TAAR5: variants seen among roughly 807,000 people sequenced by gnomAD.
TAAR5 encodes trace amine-associated receptor 5.
In TAAR5, 27 loss-of-function variants were observed where a neutral mutation model predicts 21.1. The ratio of observed to expected loss-of-function variants is 1.28; its 90% CI spans 0.94 to 1.76. TAAR5 has a LOEUF of 1.76. Among genes scored for constraint, TAAR5 ranks in the 40% most tolerant of loss-of-function variants. The probability of loss-of-function intolerance (pLI) is 0.00; values close to 1 mark genes in which losing one functional copy is unlikely to be tolerated. For synonymous variants in TAAR5, 203 were observed against 167.5 expected, an observed-to-expected ratio of 1.21 and a Z score of -1.64; for missense variants, 495 against 405.6, an observed-to-expected ratio of 1.22 and a Z score of -1.89.
At chr6:132,594,193 C>G (rs977501469), upstream of TAAR5, among the ~76,000 whole-genome samples, 7 of 152,122 alleles carry the variant, frequency 4.6e-5, no homozygotes, top group African/African-American at 1.7e-4. Flanking sequence ...TTGGAGTTGT[C>G]TTTCCCCAAA....
At chr6:132,603,253 T>C in the TAAR5 span, among the ~76,000 whole-genome samples, 1 of 144,348 alleles carries the variant, frequency 6.9e-6, no homozygotes, top group Admixed American at 7.3e-5. Context: ...TAGTGAGCCG[T>C]GATTGTGCCA....
In TAAR5 at chr6:132,589,605, C is replaced by T; in HGVS notation, c.82G>A (p.Val28Ile). The T allele has an allele frequency of 6.2e-7, 1 of 1,613,966 alleles. No individual in the cohort carries two copies. The highest frequency in any genetic ancestry group is 8.5e-7 in the Non-Finnish European group (1 of 1,179,956). The change falls in exon 1 of 1, where the codon GTA becomes ATA. Residue 28 changes from valine (V) to isoleucine (I), a missense_variant. Val to Ile is a conservative substitution (Grantham distance 29). Transcript: ENST00000258034. ...YQVNGSCPRT[V>I]HTLGIQLVIY... is the part of the protein sequence containing the mutation. ...ACCAACTGGATGCCCAGAGTATGTACTGTCCTGGGGCAAGACCCATTCACC... is the reference window on the plus strand; with the variant it reads ...ACCAACTGGATGCCCAGAGTATGTATTGTCCTGGGGCAAGACCCATTCACC...
chr6:132,610,564 T>C, the TAAR5 span, among the ~76,000 whole-genome samples: 1 of 152,264 alleles, frequency 6.6e-6, no homozygotes, highest in East Asian at 1.9e-4. Flanking sequence ...GATTCTGTCA[T>C]TCTTCCTGAC....
chr6:132,602,857 AT>A, the TAAR5 span, among the ~76,000 whole-genome samples: 1 of 150,720 alleles, frequency 6.6e-6, no homozygotes, highest in Admixed American at 6.6e-5. Context: ...TAAAAAAAAA[AT>A]GTTTTGTTTT....
Position 132,588,839 on chromosome 6 carries a change from G to T in TAAR5, c.848C>A (p.Pro283His). Residue 283 changes from proline (P) to histidine (H), a missense_variant, in exon 1 of 1, where the codon CCC (proline) becomes CAC (histidine). Physicochemically the swap from Pro to His is moderately conservative, Grantham distance 77 (BLOSUM62 -2). Coordinates refer to ENST00000258034, the MANE Select transcript of TAAR5 (RefSeq NM_003967.3). ...MVDSLLHFIT[P>H]PLVFDIFIWF... ...GATAAAGATGTCAAAGACCAGTGGG[G>T]GTGTGATAAAGTGAAGGAGGCTGTC... 3 of 1,614,098 alleles carry T rather than the reference G, an allele frequency of 1.9e-6. No homozygotes were observed. Among genetic ancestry groups the T allele is most frequent in the Non-Finnish European group, 2.5e-6 (3 of 1,179,986 alleles).
chr6:132,615,426 T>C, the TAAR5 span, among the ~76,000 whole-genome samples: 1 of 151,024 alleles, frequency 6.6e-6, no homozygotes, highest in Non-Finnish European at 1.5e-5. Context: ...TGTACAAATT[T>C]GAATTTTGAA....
At chr6:132,605,459 C>T in the TAAR5 span, among the ~76,000 whole-genome samples, 6,414 of 152,280 alleles carry the variant, frequency 0.042, 195 homozygotes, top group Admixed American at 0.084. Context: ...GATTACTGCA[C>T]GCCTATCTAG....
At chr6:132,606,540 A>G in the TAAR5 span, among the ~76,000 whole-genome samples, 1 of 152,184 alleles carries the variant, frequency 6.6e-6, no homozygotes, top group African/African-American at 2.4e-5. Flanking sequence ...AAATTGTTCA[A>G]ATGGAGATCA....
the TAAR5 span, among the ~76,000 whole-genome samples, chr6:132,597,670 C>T: frequency 6.6e-6 from 1 of 151,990 alleles, no homozygotes; most frequent in Non-Finnish European, 1.5e-5. Flanking sequence ...ATAACATTTC[C>T]CCCAAGCATC....
At chr6:132,605,263 T>C in the TAAR5 span, among the ~76,000 whole-genome samples, 14 of 152,194 alleles carry the variant, frequency 9.2e-5, no homozygotes, top group African/African-American at 2.4e-4. Flanking sequence ...GCAGAATCGA[T>C]TGGAAAGCTG....
chr6:132,588,598 C>G lies in TAAR5; in HGVS notation c.*75G>C. 6.6e-7 allele frequency: 1 copy of G among 1,511,080 alleles called. No homozygotes were observed. The highest frequency in any genetic ancestry group is 2.0e-4 in the Middle Eastern group (1 of 5,120). The allele number at this position is 1,511,080 out of a possible 1,614,324, so 93.6% of individuals were successfully genotyped here. ...GGAAGCATGCCCACAAACTCAACAC[C>G]ACACAGCCCACGGTCACAGTGCCAC... is the stretch of plus-strand genomic sequence containing the variant. On this transcript the variant is annotated 3_prime_UTR_variant, in exon 1 of 1. Transcript: ENST00000258034.
chr6:132,593,411 C>A (rs1041585943), upstream of TAAR5, among the ~76,000 whole-genome samples: 1 of 152,266 alleles, frequency 6.6e-6, no homozygotes, highest in East Asian at 1.9e-4. Flanking sequence ...AATAAATGTT[C>A]GTTGAACCGA....
Position 132,588,876 on chromosome 6 carries a change from C to A in TAAR5, c.811G>T (p.Asp271Tyr). Residue 271 changes from aspartate to tyrosine, a missense_variant, in exon 1 of 1, where the codon GAC (aspartate) becomes TAC (tyrosine). Asp to Tyr is a radical substitution (Grantham distance 160). Transcript: ENST00000258034. ...YLLCWLPFTI[D>Y]TMVDSLLHFI... The stretch of plus-strand genomic sequence containing the variant: ...TGAAGGAGGCTGTCGACCATCGTGT[C>A]TATGGTGAAGGGCAGCCAGCACAAG... 1 of 1,614,128 alleles carries A rather than the reference C, an allele frequency of 6.2e-7. No individual in the cohort carries two copies. The highest frequency in any genetic ancestry group is 1.1e-5 in the South Asian group (1 of 91,078).
At chr6:132,594,224 G>T, upstream of TAAR5, among the ~76,000 whole-genome samples, 1 of 152,082 alleles carries the variant, frequency 6.6e-6, no homozygotes, top group East Asian at 1.9e-4. Flanking sequence ...GGACCGCTTT[G>T]GTAGCTTTAG....
the TAAR5 span, among the ~76,000 whole-genome samples, chr6:132,605,055 T>TTCCACCAGCTGATC: frequency 6.6e-6 from 1 of 152,202 alleles, no homozygotes; most frequent in Non-Finnish European, 1.5e-5. Flanking sequence ...TTCACCCTCC[T>TTCCACCAGCTGATC]TCCACCAGCT....
chr6:132,614,231 C>G, the TAAR5 span, among the ~76,000 whole-genome samples: 1 of 152,100 alleles, frequency 6.6e-6, no homozygotes, highest in East Asian at 1.9e-4. Flanking sequence ...ATACATAATG[C>G]CAAAGAGGAA....
chr6:132,604,190 C>T, the TAAR5 span, among the ~76,000 whole-genome samples: 1 of 139,228 alleles, frequency 7.2e-6, no homozygotes, highest in African/African-American at 2.8e-5. Flanking sequence ...AGTCGCCAGG[C>T]TAGAGTACAG....
At chr6:132,609,439 A>G in the TAAR5 span, 6 of 164,494 alleles carry the variant, frequency 3.6e-5, no homozygotes, top group South Asian at 7.5e-4. Flanking sequence ...TTTAAATTAT[A>G]TCAACTGTGT....
chr6:132,589,960 A>T (rs956289388), upstream of TAAR5, among the ~76,000 whole-genome samples: 2 of 152,080 alleles, frequency 1.3e-5, no homozygotes, highest in Non-Finnish European at 2.9e-5. Flanking sequence ...GCACTTTAAA[A>T]CTAGTGTAGG....
Sources: allele counts gnomAD v4.1 joint callset (sites outside exome capture counted in the v4.1 genomes callset), GRCh38; gene constraint gnomAD v4.1.1; transcripts MANE v1.5; gene names NCBI Gene and HGNC (gene_info 2026-07-23, HGNC 2026-07-21).